Variants in DSP observed in about 807,000 individuals in gnomAD.
DSP encodes desmoplakin, also known as 250/210 kDa paraneoplastic pemphigus antigen.
In DSP, 114 loss-of-function variants were observed where a neutral mutation model predicts 290.6. That is an observed-to-expected ratio of 0.39 (90% confidence interval 0.34 to 0.46). The LOEUF (loss-of-function observed/expected upper bound fraction) is 0.46. Among genes scored for constraint, DSP ranks in the 20% least tolerant of loss-of-function variants. The pLI, the probability that DSP is intolerant of heterozygous loss-of-function variation, is 0.99. For synonymous variants in DSP, 1,311 were observed against 1,316.4 expected (o/e 1.00, Z 0.09); for missense variants, 3,230 against 3,495.8 (o/e 0.92, Z 1.92).
chr6:7,584,996 C>T lies in DSP; in HGVS notation c.7734C>T (p.Ser2578=), dbSNP rs28763970. 296 of 1,614,128 alleles carry T rather than the reference C, an allele frequency of 1.8e-4. No homozygotes were observed. The African/African-American group carries it at 3.3e-3, about 18-fold the overall frequency. ...GCAGCAGCATGGGCAGTGGTGTCAGCGATGATGTTTTTAGCAGCTCCCGAC... is the reference window on the plus strand; with the variant it reads ...GCAGCAGCATGGGCAGTGGTGTCAGTGATGATGTTTTTAGCAGCTCCCGAC... ...GTSSSMGSGV[S]DDVFSSSRHE... The change falls in exon 24 of 24, where the codon AGC becomes AGT. Residue 2578 remains serine (S), a synonymous_variant. Transcript: ENST00000379802. This position sits in a 1 kb window ranked among gnomAD's most constrained non-coding sequence, Gnocchi z 6.4.
Position 7,583,794 on chromosome 6 carries a change from A to G in DSP, c.6532A>G (p.Lys2178Glu). The change falls in exon 24 of 24, where the codon AAA (lysine) becomes GAA (glutamate). Residue 2178 changes from lysine to glutamate, a missense_variant. Physicochemically the swap from Lys to Glu is moderately conservative, Grantham distance 56 (BLOSUM62 1). Coordinates refer to ENST00000379802, the MANE Select transcript of DSP (RefSeq NM_004415.4). This position sits in a 1 kb window ranked among gnomAD's most constrained non-coding sequence, Gnocchi z 4.0. Reference sequence around the variant, plus strand: ...GAAAAACTTTGTGGATCCAGTCACCAAAAAGAAGGTCAGTTACGTGCAGCT... The same window carrying G: ...GAAAAACTTTGTGGATCCAGTCACCGAAAAGAAGGTCAGTTACGTGCAGCT... ...SQKNFVDPVTKKKVSYVQLKE... is the reference protein window; with the variant it reads ...SQKNFVDPVTEKKVSYVQLKE... 1.9e-6 allele frequency: 3 copies of G among 1,614,132 alleles called. No individual in the cohort carries two copies. The highest frequency in any genetic ancestry group is 2.5e-6 in the Non-Finnish European group (3 of 1,180,026).
intron 1 of DSP, among the ~76,000 whole-genome samples, chr6:7,554,126 C>CACACACACACACACACACACACACACA (rs61605193): frequency 1.2e-4 from 16 of 130,338 alleles, no homozygotes; most frequent in African/African-American, 2.0e-4. Context: ...CACACACACA[C>CACACACACACACACACACACACACACA]CCAGTTGGTT....
In DSP at chr6:7,576,317, T is replaced by G. The variant is rs1338917203; in HGVS notation, c.2654T>G (p.Ile885Ser). ...AGGTTATGGGACCTGGAGAAACAAATCAAGCAATTGAGGAATTATCGTGAT... is the reference window on the plus strand; with the variant it reads ...AGGTTATGGGACCTGGAGAAACAAAGCAAGCAATTGAGGAATTATCGTGAT... ...DFRLWDLEKQ[I>S]KQLRNYRDNY... Residue 885 changes from isoleucine to serine, a missense_variant, in exon 19 of 24, where the codon ATC (isoleucine) becomes AGC (serine). This residue lies in a region of DSP where 1,714 missense variants were observed against 1,844.5 expected (regional missense o/e 0.93). Coordinates refer to ENST00000379802, the MANE Select transcript of DSP (RefSeq NM_004415.4). 1 of 1,613,980 alleles carries G rather than the reference T, an allele frequency of 6.2e-7. No individual in the cohort carries two copies. Among genetic ancestry groups the G allele is most frequent in the Non-Finnish European group, 8.5e-7 (1 of 1,179,978 alleles).
At position 7,558,256 on chromosome 6, in the gene DSP, C is replaced by T. The variant is rs1289712438; in HGVS notation, c.414C>T (p.Tyr138=). ...AGATGGGCCAGCCCTGTGATGCTTA[C>T]CAGAAAAGGTATTGTCCACAGAGCA... The part of the protein sequence containing the change: ...MRQMGQPCDA[Y]QKRLLQLQEQ... The change falls in exon 3 of 24, where the codon TAC becomes TAT. Residue 138 remains tyrosine (Y), a synonymous_variant. Transcript: ENST00000379802. The T allele has an allele frequency of 6.2e-7, 1 of 1,614,004 alleles. No individual in the cohort carries two copies. Among genetic ancestry groups the T allele is most frequent in the South Asian group, 1.1e-5 (1 of 91,060 alleles).
In DSP at chr6:7,583,317, G is replaced by T. The variant is rs771974957; in HGVS notation, c.6055G>T (p.Ala2019Ser). The T allele has an allele frequency of 3.3e-5, 54 of 1,614,042 alleles. 1 individual carries two copies. Among genetic ancestry groups the T allele is most frequent in the Admixed American group, 1.2e-4 (7 of 60,000 alleles). The change falls in exon 24 of 24, where the codon GCT (alanine) becomes TCT (serine). Residue 2019 changes from alanine (A) to serine (S), a missense_variant. Transcript: ENST00000379802. This position sits in a 1 kb window ranked among gnomAD's most constrained non-coding sequence, Gnocchi z 4.0. ...QPFLRGAGSIAGASASPKEKY... is the reference protein window; with the variant it reads ...QPFLRGAGSISGASASPKEKY... ...ATTCCTTCGGGGTGCAGGATCTATC[G>T]CTGGAGCATCTGCTTCTCCTAAGGA...
chr6:7,579,995 C>G lies in DSP; in HGVS notation c.3805C>G (p.Arg1269Gly), dbSNP rs767643821. The change falls in exon 23 of 24, where the codon CGA becomes GGA. Residue 1269 changes from arginine (R) to glycine (G), a missense_variant. By Grantham distance (125) the Arg-to-Gly change is moderately radical (BLOSUM62 -2). Around this residue, in one of 5 missense-constraint regions of DSP, gnomAD observed 1,714 missense variants for 1,844.5 expected, o/e 0.93. Coordinates refer to ENST00000379802, the MANE Select transcript of DSP (RefSeq NM_004415.4). This position sits in a 1 kb window ranked among gnomAD's most constrained non-coding sequence, Gnocchi z 4.1. ...SILQATEQRRRAEENALQQKA... is the reference protein window; with the variant it reads ...SILQATEQRRGAEENALQQKA... ...CTTGCAGGCCACTGAGCAGCGAAGG[C>G]GAGCTGAAGAAAACGCCCTTCAGCA... 1 of 1,614,058 alleles carries G rather than the reference C, an allele frequency of 6.2e-7. No homozygotes were observed. The highest frequency in any genetic ancestry group is 8.5e-7 in the Non-Finnish European group (1 of 1,180,012).
chr6:7,581,052 A>T lies in DSP; in HGVS notation c.4862A>T (p.Gln1621Leu). The change falls in exon 23 of 24, where the codon CAG becomes CTG. Residue 1621 changes from glutamine to leucine, a missense_variant. Transcript: ENST00000379802. ...ACCAACCTGACCCAGCAGCTGGAGC[A>T]GGCATCCATTGTTAAGAAGAGGAGT... ...KITNLTQQLE[Q>L]ASIVKKRSED... 6.2e-7 allele frequency: 1 copy of T among 1,614,096 alleles called. No homozygotes were observed. The highest frequency in any genetic ancestry group is 2.2e-5 in the East Asian group (1 of 44,878).
intron 5 of DSP, 151 bp from the exon 6 acceptor site, chr6:7,563,585 A>G: frequency 1.4e-6 from 1 of 721,878 alleles, no homozygotes; most frequent in East Asian, 2.7e-5. Context: ...AAAAGTCCCC[A>G]TGGGTGAAAT....
Position 7,581,420 on chromosome 6 carries a change from G to A in DSP, c.5230G>A (p.Asp1744Asn), listed in dbSNP as rs1449676469. ...GAGAGGACGAAGCGAAGCGGACAGT[G>A]ATAAAAATGCAACCATCTTGGAACT... ...LRRGRSEADS[D>N]KNATILELRS... The change falls in exon 23 of 24, where the codon GAT becomes AAT. Residue 1744 changes from aspartate to asparagine, a missense_variant. Asp to Asn is a conservative substitution (Grantham distance 23). Transcript: ENST00000379802. The A allele has an allele frequency of 3.1e-6, 5 of 1,613,002 alleles. No homozygotes were observed. The highest frequency in any genetic ancestry group is 4.2e-6 in the Non-Finnish European group (5 of 1,179,666).
chr6:7,569,347 C>T lies in DSP; in HGVS notation c.1574+7C>T, dbSNP rs375717504. The T allele has an allele frequency of 4.3e-5, 69 of 1,614,188 alleles. No individual in the cohort carries two copies. In the African/African-American group the frequency reaches 8.0e-4, roughly 19 times the overall value. On this transcript the variant is annotated splice_region_variant and intron_variant, in intron 12 of 23. Transcript: ENST00000379802. ...CCGTGGACCTCTCTTGCAAGTAAGT[C>T]ATCCAAGTTCCCAAAGCCACGCATG...
chr6:7,577,078 C>A, intron 20 of DSP, 36 bp downstream of exon 20: 2 of 1,536,588 alleles, frequency 1.3e-6, no homozygotes, highest in Non-Finnish European at 1.8e-6. Flanking sequence ...GGTATTTCAC[C>A]AAGATTATTA....
At chr6:7,553,648 GACA>G (rs1191461957) in intron 1 of DSP, among the ~76,000 whole-genome samples, 7 of 152,172 alleles carry the variant, frequency 4.6e-5, no homozygotes, top group African/African-American at 1.7e-4. Context: ...CACAAGTTAG[GACA>G]ACAAATGTGA....
At chr6:7,576,860 A>T (rs1186080399) in intron 19 of DSP, 99 bp from the exon 20 acceptor site, 11 of 1,081,378 alleles carry the variant, frequency 1.0e-5, no homozygotes, top group Non-Finnish European at 1.5e-5. Context: ...TAATAAACTG[A>T]AAAAAGGGTA....
chr6:7,560,204 T>C (rs916592834), intron 4 of DSP, among the ~76,000 whole-genome samples: 5 of 152,246 alleles, frequency 3.3e-5, no homozygotes, highest in African/African-American at 9.6e-5. Context: ...GAGATTGTTA[T>C]GCAATTTAGA....
rs727505007 is a variant in DSP at position 7,542,096 on chromosome 6, G to T, written c.170+11G>T. 24 of 1,554,844 alleles carry T rather than the reference G, an allele frequency of 1.5e-5. No individual in the cohort carries two copies. The highest frequency in any genetic ancestry group is 1.8e-5 in the Non-Finnish European group (21 of 1,149,392). The stretch of plus-strand genomic sequence containing the variant: ...CTCGGACGGCTACTGGTGGGTACCT[G>T]CCCGGAGAGCGCGGGCTGCGGGGCT... On this transcript the variant is annotated intron_variant, in intron 1 of 23. Transcript: ENST00000379802.
Position 7,575,284 on chromosome 6 carries a change from T to TC in DSP, c.2437-10dup. 1 of 1,613,314 alleles carries TC rather than the reference T, an allele frequency of 6.2e-7. No individual in the cohort carries two copies. Among genetic ancestry groups the TC allele is most frequent in the Non-Finnish European group, 8.5e-7 (1 of 1,179,556 alleles). On this transcript the variant is annotated splice_polypyrimidine_tract_variant and intron_variant, in intron 17 of 23. Coordinates refer to ENST00000379802, the MANE Select transcript of DSP (RefSeq NM_004415.4). ...GATTAATTTGCAATCTTTTTTTTTTTCATCTTGCAGAAAATAAAAAATGAC... is the reference window on the plus strand; with the variant it reads ...GATTAATTTGCAATCTTTTTTTTTTTCCATCTTGCAGAAAATAAAAAATGAC...
rs201872850 is a variant in DSP at position 7,565,568 on chromosome 6, C to G, written c.939+48C>G. 1.3e-5 allele frequency: 21 copies of G among 1,610,034 alleles called. No homozygotes were observed. The highest frequency in any genetic ancestry group is 1.7e-5 in the Non-Finnish European group (20 of 1,176,762). ...TAGATGCTTGTCTTGAGCCTGTTGCCTTGAAGAGCTGGGGTCTCGGGGAAT... is the reference window on the plus strand; with the variant it reads ...TAGATGCTTGTCTTGAGCCTGTTGCGTTGAAGAGCTGGGGTCTCGGGGAAT... On this transcript the variant is annotated intron_variant, in intron 7 of 23. Transcript: ENST00000379802. This position sits in a 1 kb window ranked among gnomAD's most constrained non-coding sequence, Gnocchi z 4.2.
At chr6:7,563,598 C>A in intron 5 of DSP, 138 bp from the exon 6 acceptor site, 1 of 775,250 alleles carries the variant, frequency 1.3e-6, no homozygotes, top group Admixed American at 2.1e-5. Flanking sequence ...GGTGAAATAT[C>A]TCATAGAGCT....
chr6:7,583,933 A>T lies in DSP; in HGVS notation c.6671A>T (p.Asp2224Val). ...CCTGTGACCGTCACTGAGCTAGTAG[A>T]TTCTGGTATATTGAGACCGTCCACT... ...RQPVTVTELVDSGILRPSTVN... is the reference protein window; with the variant it reads ...RQPVTVTELVVSGILRPSTVN... The change falls in exon 24 of 24, where the codon GAT (aspartate) becomes GTT (valine). Residue 2224 changes from aspartate to valine, a missense_variant. Asp to Val is a radical substitution (Grantham distance 152). Transcript: ENST00000379802. The surrounding 1 kb of genome is among the most constrained non-coding windows in gnomAD (Gnocchi z 4.0). The T allele has an allele frequency of 6.2e-7, 1 of 1,614,174 alleles. No homozygotes were observed. Among genetic ancestry groups the T allele is most frequent in the South Asian group, 1.1e-5 (1 of 91,082 alleles).
Sources: gnomAD v4.1 joint callset for allele counts (sites outside exome capture counted in the v4.1 genomes callset) on GRCh38, gnomAD v4.1.1 for gene constraint, gnomAD v4.1.1 regional missense constraint, Gnocchi (gnomAD v3.1) non-coding constraint, MANE v1.5 for transcripts, NCBI Gene and HGNC (gene_info 2026-07-23, HGNC 2026-07-21) for gene names.